Variants in ZNRF3 observed in about 807,000 individuals in gnomAD.
ZNRF3 encodes the protein E3 ubiquitin-protein ligase ZNRF3.
In ZNRF3, 23 loss-of-function variants were observed where a neutral mutation model predicts 72.5. The ratio of observed to expected loss-of-function variants is 0.32; its 90% CI spans 0.23 to 0.45. The LOEUF is 0.45. Among genes scored for constraint, ZNRF3 ranks in the 20% least tolerant of loss-of-function variants. The probability of loss-of-function intolerance (pLI) is 1.00; values close to 1 mark genes in which losing one functional copy is unlikely to be tolerated. For missense variants in ZNRF3, 1,169 were observed against 1,272.1 expected, an observed-to-expected ratio of 0.92 and a Z score of 1.23; for synonymous variants, 610 against 545.3, an observed-to-expected ratio of 1.12 and a Z score of -1.65.
intron 2 of ZNRF3, among the ~76,000 whole-genome samples, chr22:29,038,866 A>G (rs1382885048): frequency 1.3e-5 from 2 of 151,908 alleles, no homozygotes; most frequent in Non-Finnish European, 2.9e-5. Context: ...CGAATGAAGT[A>G]TTTTTCTCAA....
At chr22:28,920,034 T>G (rs1292660477) in intron 1 of ZNRF3, among the ~76,000 whole-genome samples, 4 of 151,874 alleles carry the variant, frequency 2.6e-5, no homozygotes, top group South Asian at 2.1e-4. Flanking sequence ...GGTGCAATTT[T>G]GGCTCACTGC....
chr22:29,020,249 C>CTTTTTTTT (rs756716817), intron 2 of ZNRF3, among the ~76,000 whole-genome samples: 3 of 91,772 alleles, frequency 3.3e-5, no homozygotes, highest in African/African-American at 4.4e-5. Flanking sequence ...CACAACCATC[C>CTTTTTTTT]TTTTTTTTTT....
intron 2 of ZNRF3, among the ~76,000 whole-genome samples, chr22:29,034,992 G>A (rs1004071992): frequency 1.5e-5 from 2 of 134,184 alleles, no homozygotes; most frequent in African/African-American, 5.5e-5. Flanking sequence ...AGTCTGCTTT[G>A]TTAGACCTTT....
Position 28,907,273 on chromosome 22 carries a change from A to C in ZNRF3, c.300+23207A>C, listed in dbSNP as rs189881994. Among the ~76,000 whole-genome samples the C allele has an allele frequency of 5.3e-5, 8 of 152,074 alleles. No homozygotes were observed. The East Asian group carries it at 1.4e-3, about 26-fold the overall frequency. On this transcript the variant is annotated intron_variant, in intron 1 of 8. Transcript: ENST00000544604. ...CTCCCAAAGTGCTAGGATTACAGGC[A>C]TGAGCCACCGTGCCTGGCCACATGG...
chr22:28,981,945 C>T (rs1228141424), intron 1 of ZNRF3, among the ~76,000 whole-genome samples: 2 of 152,038 alleles, frequency 1.3e-5, no homozygotes, highest in South Asian at 2.1e-4. Flanking sequence ...TGCAGTGAGC[C>T]GAGATCGCGC....
rs565889767 is a variant in ZNRF3, at chr22:28,908,543, G to A, written c.300+24477G>A. 2.1e-4 allele frequency among the ~76,000 whole-genome samples: 32 copies of A among 152,268 alleles called. No homozygotes were observed. The South Asian group carries it at 6.2e-3, about 30-fold the overall frequency. On this transcript the variant is annotated intron_variant, in intron 1 of 8. Transcript: ENST00000544604. Reference sequence around the variant, plus strand: ...CTGGGGCCTGTACGTGGTGATGTTTGCTTTTTTAAATGATCCTTGTGGAGC... The same window carrying A: ...CTGGGGCCTGTACGTGGTGATGTTTACTTTTTTAAATGATCCTTGTGGAGC...
At chr22:29,042,678 T>TGAGA in intron 3 of ZNRF3, 109 bp downstream of exon 3, 1 of 999,402 alleles carries the variant, frequency 1.0e-6, no homozygotes, top group Non-Finnish European at 1.5e-6. Flanking sequence ...GCATTTGCTC[T>TGAGA]TGTCTTCTGA....
Position 29,050,318 on chromosome 22 carries a change from TG to T in ZNRF3, c.2138del (p.Cys713SerfsTer60). On this transcript the variant is annotated frameshift_variant, in exon 8 of 9. Coordinates refer to ENST00000544604, the MANE Select transcript of ZNRF3 (RefSeq NM_001206998.2). LOFTEE classifies it high-confidence loss of function. Reference protein sequence around the residue: ...GGHELPSCACCCEPQPSPAGP... With the variant: ...GGHELPSCACXCEPQPSPAGP... Reference sequence around the variant, plus strand: ...CCACGAGTTGCCGTCGTGTGCCTGCTGCTGCGAGCCCCAGCCCTCCCCAGCC... The same window carrying T: ...CCACGAGTTGCCGTCGTGTGCCTGCTCTGCGAGCCCCAGCCCTCCCCAGCC... 6.3e-7 allele frequency: 1 copy of T among 1,599,802 alleles called. No homozygotes were observed. Among genetic ancestry groups the T allele is most frequent in the Non-Finnish European group, 8.5e-7 (1 of 1,177,692 alleles).
chr22:28,930,592 G>A (rs1944080185), intron 1 of ZNRF3, among the ~76,000 whole-genome samples: 1 of 152,224 alleles, frequency 6.6e-6, no homozygotes, highest in African/African-American at 2.4e-5. Context: ...TGATAGTAAT[G>A]CTTGTCTTGA....
intron 1 of ZNRF3, among the ~76,000 whole-genome samples, chr22:28,947,919 A>G (rs1450691885): frequency 6.6e-6 from 1 of 151,362 alleles, no homozygotes; most frequent in Non-Finnish European, 1.5e-5. Context: ...ATCTCGACTC[A>G]CTGCAATCTC....
intron 1 of ZNRF3, among the ~76,000 whole-genome samples, chr22:28,958,929 CACTT>C (rs910276187): frequency 2.6e-5 from 4 of 152,236 alleles, no homozygotes; most frequent in African/African-American, 9.6e-5. Flanking sequence ...AGATGAGACT[CACTT>C]CATCAGCAGA....
intron 1 of ZNRF3, among the ~76,000 whole-genome samples, chr22:28,957,022 G>T (rs959963707): frequency 1.3e-5 from 2 of 152,192 alleles, no homozygotes; most frequent in African/African-American, 4.8e-5. Context: ...AGAAGATAAC[G>T]TGCCTATTGT....
intron 1 of ZNRF3, among the ~76,000 whole-genome samples, chr22:28,911,154 AAGGATGTCTGG>A (rs1423229713): frequency 6.6e-6 from 1 of 152,110 alleles, no homozygotes; most frequent in African/African-American, 2.4e-5. Context: ...TGTGCCTCTG[AAGGATGTCTGG>A]GGACAGAAGT....
At chr22:28,906,104 T>G (rs2034203487) in intron 1 of ZNRF3, among the ~76,000 whole-genome samples, 1 of 152,226 alleles carries the variant, frequency 6.6e-6, no homozygotes, top group African/African-American at 2.4e-5. Flanking sequence ...GCAAGTGAAT[T>G]GCTTGAGCCT....
Position 28,932,543 on chromosome 22 carries a change from C to G in ZNRF3, c.300+48477C>G, listed in dbSNP as rs1453137087. Among the ~76,000 whole-genome samples the G allele has an allele frequency of 3.3e-5, 5 of 152,288 alleles. No individual in the cohort carries two copies. In the East Asian group the frequency reaches 9.6e-4, roughly 29 times the overall value. ...CCTAGCAACATTGGGTCTTTGTGCGCATGTCCTTGTGATCTATCACCATGC... is the reference window on the plus strand; with the variant it reads ...CCTAGCAACATTGGGTCTTTGTGCGGATGTCCTTGTGATCTATCACCATGC... On this transcript the variant is annotated intron_variant, in intron 1 of 8. Coordinates refer to ENST00000544604, the MANE Select transcript of ZNRF3 (RefSeq NM_001206998.2).
intron 1 of ZNRF3, among the ~76,000 whole-genome samples, chr22:28,951,453 C>T (rs528227303): frequency 2.5e-4 from 38 of 152,226 alleles, no homozygotes; most frequent in Non-Finnish European, 4.6e-4. Flanking sequence ...GGTGATGATT[C>T]CACAAGCCAA....
chr22:29,037,835 A>G (rs1205274858), intron 2 of ZNRF3, among the ~76,000 whole-genome samples: 1 of 152,202 alleles, frequency 6.6e-6, no homozygotes, highest in Admixed American at 6.5e-5. Flanking sequence ...AAGGATGTGA[A>G]GATACCCTTG....
intron 2 of ZNRF3, among the ~76,000 whole-genome samples, chr22:29,040,002 C>T (rs948751754): frequency 2.0e-5 from 3 of 152,050 alleles, no homozygotes; most frequent in Non-Finnish European, 4.4e-5. Context: ...AGTGATGCCA[C>T]TCTCGCCTCA....
At chr22:28,971,468 TTTTAAGACAGC>T (rs2035573789) in intron 1 of ZNRF3, among the ~76,000 whole-genome samples, 1 of 152,190 alleles carries the variant, frequency 6.6e-6, no homozygotes. Context: ...CACAATGCCC[TTTTAAGACAGC>T]TAGCATGAAA....
Sources: allele counts gnomAD v4.1 joint callset (sites outside exome capture counted in the v4.1 genomes callset), GRCh38; gene constraint gnomAD v4.1.1; transcripts MANE v1.5; gene names NCBI Gene and HGNC (gene_info 2026-07-23, HGNC 2026-07-21).